Variants in CDK6 observed in about 807,000 individuals in gnomAD.
CDK6 encodes cyclin-dependent kinase 6.
A neutral mutation model predicts 37.1 loss-of-function variants in CDK6; 6 were observed. The observed-to-expected ratio is 0.16, with a 90% CI of 0.09 to 0.32. CDK6 has a LOEUF of 0.32. Among genes scored for constraint, CDK6 ranks in the 10% least tolerant of loss-of-function variants. The pLI, the probability that CDK6 is intolerant of heterozygous loss-of-function variation, is 1.00. For missense variants in CDK6, 224 were observed against 418.9 expected (o/e 0.53, Z 4.06); for synonymous variants, 160 against 161.3 (o/e 0.99, Z 0.06).
intron 5 of CDK6, among the ~76,000 whole-genome samples, chr7:92,661,835 G>A (rs193240969): frequency 6.6e-6 from 1 of 152,270 alleles, no homozygotes; most frequent in African/African-American, 2.4e-5. Context: ...AACCTATGTT[G>A]TTCAAGGGTC....
intron 2 of CDK6, among the ~76,000 whole-genome samples, chr7:92,816,240 A>C (rs943686811): frequency 2.6e-5 from 4 of 152,162 alleles, no homozygotes; most frequent in African/African-American, 9.7e-5. Context: ...ATAGAAATAG[A>C]CTCAGAAATG....
chr7:92,731,202 T>C (rs1004351465), intron 3 of CDK6, among the ~76,000 whole-genome samples: 1 of 152,196 alleles, frequency 6.6e-6, no homozygotes, highest in Non-Finnish European at 1.5e-5. Flanking sequence ...CAATGAGCAA[T>C]GAACAATGAG....
At chr7:92,822,125 G>C (rs1801188512) in intron 2 of CDK6, among the ~76,000 whole-genome samples, 1 of 151,984 alleles carries the variant, frequency 6.6e-6, no homozygotes, top group South Asian at 2.1e-4. Flanking sequence ...ACAGCCCAGA[G>C]AATCTTAAAC....
At chr7:92,675,249 C>CA (rs1797177695) in intron 4 of CDK6, among the ~76,000 whole-genome samples, 1 of 152,174 alleles carries the variant, frequency 6.6e-6, no homozygotes, top group African/African-American at 2.4e-5. Flanking sequence ...TATAGACAGT[C>CA]AAAATCATAA....
intron 5 of CDK6, among the ~76,000 whole-genome samples, chr7:92,667,019 G>C (rs1437395149): frequency 6.6e-6 from 1 of 152,144 alleles, no homozygotes; most frequent in Non-Finnish European, 1.5e-5. Context: ...AGTGGGACAA[G>C]AAGTGGACAG....
intron 3 of CDK6, among the ~76,000 whole-genome samples, chr7:92,761,809 C>T (rs1374358088): frequency 6.6e-6 from 1 of 152,184 alleles, no homozygotes; most frequent in East Asian, 1.9e-4. Flanking sequence ...ATGTGTGATG[C>T]TCTCATAAAT....
At position 92,833,488 on chromosome 7, in the gene CDK6, A is replaced by T. The variant is rs1779044788; in HGVS notation, c.-165T>A. The T allele has an allele frequency of 8.7e-6, 5 of 575,896 alleles. No individual in the cohort carries two copies. The South Asian group carries it at 1.1e-4, about 13-fold the overall frequency. The allele number at this position is 575,896 out of a possible 1,614,324, so 35.7% of individuals were successfully genotyped here. Reference sequence around the variant, plus strand: ...CGGGCGCTGGGGCTTTCGCCGCTGCAGAAGCTGGATGGAGAGACCTCCCCG... The same window carrying T: ...CGGGCGCTGGGGCTTTCGCCGCTGCTGAAGCTGGATGGAGAGACCTCCCCG... On this transcript the variant is annotated 5_prime_UTR_variant, in exon 2 of 8. Transcript: ENST00000424848. This position sits in a 1 kb window ranked among gnomAD's most constrained non-coding sequence, Gnocchi z 6.1.
Position 92,795,653 on chromosome 7 carries a change from G to A in CDK6, c.234-20822C>T, listed in dbSNP as rs778325220. Among the ~76,000 whole-genome samples the A allele has an allele frequency of 9.2e-5, 14 of 152,126 alleles. 1 individual carries two copies. Among genetic ancestry groups the A allele is most frequent in the Middle Eastern group, 6.8e-3 (2 of 294 alleles). ...TTAAAACAATAGAAGAGAACTAACT[G>A]TGCCACAGCACACATTCAGTCGTGC... On this transcript the variant is annotated intron_variant, in intron 2 of 7. Transcript: ENST00000424848.
intron 2 of CDK6, among the ~76,000 whole-genome samples, chr7:92,787,311 T>TA (rs1294949767): frequency 1.3e-5 from 2 of 151,988 alleles, no homozygotes; most frequent in Non-Finnish European, 2.9e-5. Flanking sequence ...AATTTTTAAT[T>TA]AAAAAAATTA....
intron 2 of CDK6, among the ~76,000 whole-genome samples, chr7:92,794,124 C>G (rs946079679): frequency 2.6e-5 from 4 of 152,114 alleles, no homozygotes; most frequent in African/African-American, 7.2e-5. Context: ...GTGTGTTCTG[C>G]TCTTTAAAAT....
intron 4 of CDK6, among the ~76,000 whole-genome samples, chr7:92,719,696 T>C (rs1163175978): frequency 6.6e-6 from 1 of 152,160 alleles, no homozygotes; most frequent in Non-Finnish European, 1.5e-5. Context: ...GCTAACTTCA[T>C]GAATAGCATT....
chr7:92,806,409 CTTTACT>C (rs1430509488), intron 2 of CDK6, among the ~76,000 whole-genome samples: 1 of 152,156 alleles, frequency 6.6e-6, no homozygotes, highest in East Asian at 1.9e-4. Flanking sequence ...CCCACCATCC[CTTTACT>C]TTTATCACTA....
At chr7:92,758,398 C>T (rs923751244) in intron 3 of CDK6, among the ~76,000 whole-genome samples, 1 of 152,110 alleles carries the variant, frequency 6.6e-6, no homozygotes, top group Non-Finnish European at 1.5e-5. Flanking sequence ...GAATCTTTTC[C>T]CCATTGCTTG....
At chr7:92,754,459 T>C (rs994342923) in intron 3 of CDK6, among the ~76,000 whole-genome samples, 1 of 152,126 alleles carries the variant, frequency 6.6e-6, no homozygotes, top group Admixed American at 6.6e-5. Flanking sequence ...ACCATTCTTT[T>C]CCCCCATTCT....
intron 4 of CDK6, among the ~76,000 whole-genome samples, chr7:92,688,098 T>C (rs1797505264): frequency 6.6e-6 from 1 of 152,196 alleles, no homozygotes; most frequent in African/African-American, 2.4e-5. Context: ...TTTTTGTACA[T>C]GTCTCTTGTT....
At chr7:92,762,903 A>G (rs990286484) in intron 3 of CDK6, among the ~76,000 whole-genome samples, 1 of 152,208 alleles carries the variant, frequency 6.6e-6, no homozygotes, top group Non-Finnish European at 1.5e-5. Flanking sequence ...AGCTATTTCC[A>G]GATTGATCTA....
intron 4 of CDK6, among the ~76,000 whole-genome samples, chr7:92,689,506 T>G (rs1391995457): frequency 1.3e-5 from 2 of 152,218 alleles, no homozygotes; most frequent in African/African-American, 4.8e-5. Context: ...CTGATGGTCA[T>G]TTGGGTTGAT....
At chr7:92,823,915 T>A (rs1451799403) in intron 2 of CDK6, among the ~76,000 whole-genome samples, 1 of 152,024 alleles carries the variant, frequency 6.6e-6, no homozygotes, top group African/African-American at 2.4e-5. Context: ...AATCTTCCCA[T>A]CCTAGCCTTC....
chr7:92,735,426 CTAG>C (rs1798762122), intron 3 of CDK6, among the ~76,000 whole-genome samples: 1 of 152,168 alleles, frequency 6.6e-6, no homozygotes, highest in Non-Finnish European at 1.5e-5. Context: ...CCCCGCTCCT[CTAG>C]TAGTCCCCAG....
Sources: gnomAD v4.1 joint callset for allele counts (sites outside exome capture counted in the v4.1 genomes callset) on GRCh38, gnomAD v4.1.1 for gene constraint, Gnocchi (gnomAD v3.1) non-coding constraint, MANE v1.5 for transcripts, NCBI Gene and HGNC (gene_info 2026-07-23, HGNC 2026-07-21) for gene names.